The following KHDRBS2 variants were observed in gnomAD, a reference collection of about 807,000 sequenced individuals.
KHDRBS2 encodes the protein KH RNA binding domain containing, signal transduction associated 2, also known as KH domain-containing, RNA-binding, signal transduction-associated protein 2.
KHDRBS2 carries 26 observed loss-of-function variants against 44.3 expected under a neutral mutation model. The ratio of observed to expected loss-of-function variants is 0.59; its 90% CI spans 0.43 to 0.81. The LOEUF is 0.81. Ranked by LOEUF, KHDRBS2 falls within the 40% of genes least tolerant of loss-of-function variation. The pLI is 0.00. For synonymous variants in KHDRBS2, 194 were observed against 151.1 expected (o/e 1.28, Z -2.08); for missense variants, 476 against 433.1 (o/e 1.10, Z -0.88).
chr6:61,710,109 A>G (rs1770257989), intron 7 of KHDRBS2, among the ~76,000 whole-genome samples: 1 of 151,756 alleles, frequency 6.6e-6, no homozygotes, highest in Non-Finnish European at 1.5e-5. Flanking sequence ...ATCAGACTTT[A>G]GAAATTTAAA....
chr6:62,089,817 C>T (rs1272989136), intron 2 of KHDRBS2, among the ~76,000 whole-genome samples: 1 of 152,148 alleles, frequency 6.6e-6, no homozygotes, highest in Admixed American at 6.6e-5. Context: ...GAAGTAATTA[C>T]ATTTTTTGAA....
intron 1 of KHDRBS2, among the ~76,000 whole-genome samples, chr6:62,194,368 C>A (rs887023208): frequency 1.3e-5 from 2 of 150,742 alleles, no homozygotes; most frequent in Admixed American, 6.6e-5. Context: ...GTAAAAAAAA[C>A]CAATTAACCA....
At chr6:61,876,367 A>G (rs1419134970) in intron 6 of KHDRBS2, among the ~76,000 whole-genome samples, 1 of 152,094 alleles carries the variant, frequency 6.6e-6, no homozygotes. Context: ...GTGAATATTT[A>G]TCTGACAGTA....
intron 1 of KHDRBS2, among the ~76,000 whole-genome samples, chr6:62,223,224 GC>G (rs1831191451): frequency 6.6e-6 from 1 of 152,194 alleles, no homozygotes; most frequent in African/African-American, 2.4e-5. Flanking sequence ...CTGTGCACTC[GC>G]AGGCTCAACA....
chr6:62,126,883 T>TCCCTGGCTG (rs1318939451), intron 2 of KHDRBS2, among the ~76,000 whole-genome samples: 3 of 152,210 alleles, frequency 2.0e-5, no homozygotes. Flanking sequence ...TATTTAACTT[T>TCCCTGGCTG]ATATATAGGT....
At chr6:62,204,985 A>C (rs1309748069) in intron 1 of KHDRBS2, among the ~76,000 whole-genome samples, 1 of 152,162 alleles carries the variant, frequency 6.6e-6, no homozygotes, top group Non-Finnish European at 1.5e-5. Flanking sequence ...CTCTGGAGCA[A>C]AGGGAATGTT....
At chr6:62,279,005 A>G (rs1181570392) in intron 1 of KHDRBS2, among the ~76,000 whole-genome samples, 3 of 152,144 alleles carry the variant, frequency 2.0e-5, no homozygotes, top group Non-Finnish European at 4.4e-5. Flanking sequence ...GAGACAGGAG[A>G]ATGGCCTGAA....
intron 1 of KHDRBS2, among the ~76,000 whole-genome samples, chr6:62,266,938 AAATT>A (rs1422933272): frequency 2.6e-5 from 4 of 152,020 alleles, no homozygotes; most frequent in African/African-American, 7.2e-5. Flanking sequence ...TTTTCTTTAG[AAATT>A]AATAAGGTTT....
Position 62,202,786 on chromosome 6 carries a change from A to G in KHDRBS2, c.92-25474T>C, listed in dbSNP as rs1424089995. 3.3e-5 allele frequency among the ~76,000 whole-genome samples: 5 copies of G among 152,152 alleles called. No individual in the cohort carries two copies. The East Asian group carries it at 9.7e-4, about 29-fold the overall frequency. On this transcript the variant is annotated intron_variant, in intron 1 of 8. Coordinates refer to ENST00000281156, the MANE Select transcript of KHDRBS2 (RefSeq NM_152688.4). ...AGTTTACAGTGAATGGGTTCAGTCTATGATTTCAAAGGAGGCAATCTCAAG... is the reference window on the plus strand; with the variant it reads ...AGTTTACAGTGAATGGGTTCAGTCTGTGATTTCAAAGGAGGCAATCTCAAG...
At chr6:62,203,934 CA>C (rs1563058504) in intron 1 of KHDRBS2, among the ~76,000 whole-genome samples, 3 of 152,094 alleles carry the variant, frequency 2.0e-5, no homozygotes, top group African/African-American at 4.8e-5. Context: ...CCTGTGGTAA[CA>C]AATAAGTTCT....
At chr6:62,179,778 C>T (rs1821884279) in intron 1 of KHDRBS2, among the ~76,000 whole-genome samples, 1 of 151,752 alleles carries the variant, frequency 6.6e-6, no homozygotes, top group Non-Finnish European at 1.5e-5. Context: ...TTCTAATAAC[C>T]TTTCCATCAA....
At position 61,783,679 on chromosome 6, in the gene KHDRBS2, T is replaced by A. The variant is rs530005817; in HGVS notation, c.811-50915A>T. Among the ~76,000 whole-genome samples the A allele has an allele frequency of 1.3e-3, 200 of 152,122 alleles. 6 individuals carry two copies. The South Asian group carries it at 0.039, about 30-fold the overall frequency. On this transcript the variant is annotated intron_variant, in intron 6 of 8. Coordinates refer to ENST00000281156, the MANE Select transcript of KHDRBS2 (RefSeq NM_152688.4). Reference sequence around the variant, plus strand: ...ATAATTAAGATTATCCATGAAAAAATTTAGAACCCCACCATCTCTTAAGAA... The same window carrying A: ...ATAATTAAGATTATCCATGAAAAAAATTAGAACCCCACCATCTCTTAAGAA...
intron 6 of KHDRBS2, among the ~76,000 whole-genome samples, chr6:61,857,146 CCTTTT>C (rs1455859505): frequency 1.3e-5 from 2 of 151,984 alleles, no homozygotes; most frequent in South Asian, 2.1e-4. Context: ...TCACGGAGGT[CCTTTT>C]CTTTTCTTTT....
intron 2 of KHDRBS2, among the ~76,000 whole-genome samples, chr6:62,051,673 G>C (rs1380991619): frequency 6.6e-6 from 1 of 151,868 alleles, no homozygotes; most frequent in Non-Finnish European, 1.5e-5. Context: ...TCAGAGCAAA[G>C]GAAACAATCG....
the KHDRBS2 span, among the ~76,000 whole-genome samples, chr6:61,636,951 A>G: frequency 6.6e-6 from 1 of 152,128 alleles, no homozygotes; most frequent in East Asian, 1.9e-4. Flanking sequence ...TAGAATATCT[A>G]GGTCACTATT....
chr6:62,109,100 T>A (rs1047447803), intron 2 of KHDRBS2, among the ~76,000 whole-genome samples: 73 of 140,650 alleles, frequency 5.2e-4, no homozygotes, highest in Non-Finnish European at 3.4e-4. Flanking sequence ...AGTATAATAA[T>A]AAAAAAAAAA....
chr6:61,894,215 G>T (rs927164227), intron 6 of KHDRBS2, among the ~76,000 whole-genome samples: 4 of 151,986 alleles, frequency 2.6e-5, no homozygotes, highest in Admixed American at 2.6e-4. Context: ...ATAAATGAAA[G>T]ACCAGCCACA....
the KHDRBS2 span, among the ~76,000 whole-genome samples, chr6:61,607,011 T>A: frequency 3.9e-5 from 6 of 152,042 alleles, no homozygotes; most frequent in Admixed American, 2.6e-4. Context: ...AATAGAGTTA[T>A]CAAATAAAAC....
At chr6:62,098,533 A>G (rs536755550) in intron 2 of KHDRBS2, among the ~76,000 whole-genome samples, 1 of 152,216 alleles carries the variant, frequency 6.6e-6, no homozygotes, top group South Asian at 2.1e-4. Context: ...GAACTTCCGT[A>G]TTAAATATTT....
Sources: gnomAD v4.1 joint callset for allele counts (sites outside exome capture counted in the v4.1 genomes callset) on GRCh38, gnomAD v4.1.1 for gene constraint, MANE v1.5 for transcripts, NCBI Gene and HGNC (gene_info 2026-07-23, HGNC 2026-07-21) for gene names.